The following FCN1 variants were observed in gnomAD, a reference collection of about 807,000 sequenced individuals.
FCN1 encodes ficolin 1.
In FCN1, 42 loss-of-function variants were observed where a neutral mutation model predicts 35.6. The ratio of observed to expected loss-of-function variants is 1.18; its 90% CI spans 0.92 to 1.53. The LOEUF (loss-of-function observed/expected upper bound fraction) is 1.53, where lower values mean the gene tolerates loss of function less well. Among genes scored for constraint, FCN1 ranks in the 40% most tolerant of loss-of-function variants. FCN1 has a pLI of 0.00. For synonymous variants in FCN1, 179 were observed against 169.8 expected, an observed-to-expected ratio of 1.05 and a Z score of -0.42; for missense variants, 439 against 428.4, an observed-to-expected ratio of 1.02 and a Z score of -0.22.
chr9:134,913,522 AGCTGGCCCCAGG>A (rs1230659090), intron 5 of FCN1, 47 bp downstream of exon 5: 1 of 1,405,372 alleles, frequency 7.1e-7, no homozygotes, highest in Non-Finnish European at 9.9e-7. Context: ...GAACGTGTGC[AGCTGGCCCCAGG>A]GGTGGGGGCA....
intron 4 of FCN1, 127 bp downstream of exon 4, chr9:134,914,258 C>A: frequency 1.2e-6 from 1 of 864,370 alleles, no homozygotes; most frequent in Non-Finnish European, 2.0e-6. Context: ...GGACTCCTTC[C>A]ACCCCTCCCT....
intron 2 of FCN1, among the ~76,000 whole-genome samples, chr9:134,915,069 C>A (rs1439129522): frequency 6.6e-6 from 1 of 152,162 alleles, no homozygotes; most frequent in African/African-American, 2.4e-5. Flanking sequence ...GCCTTGGGAG[C>A]AACCTGGGTT....
rs113460741 is a variant in FCN1 at position 134,912,057 on chromosome 9, G to T, written c.598+429C>A. ...ACTCATCCCCTGCCCCAGAGGGTTG[G>T]GGGGAGGCCCTCTCACTCAGGTGAG... On this transcript the variant is annotated intron_variant, in intron 7 of 8. Transcript: ENST00000371806. 4.9e-3 allele frequency among the ~76,000 whole-genome samples: 749 copies of T among 152,340 alleles called. 4 individuals are homozygous for T. Among genetic ancestry groups the T allele is most frequent in the Middle Eastern group, 0.024 (7 of 294 alleles).
rs775014502 is a variant in FCN1, at chr9:134,909,653, C to T, written c.*145G>A. 62 of 1,591,190 alleles carry T rather than the reference C, an allele frequency of 3.9e-5. No individual in the cohort carries two copies. In the Admixed American group the frequency reaches 4.7e-4, roughly 12 times the overall value. On this transcript the variant is annotated 3_prime_UTR_variant, in exon 9 of 9. Transcript: ENST00000371806. ...CTCTGGTGAGGTTGTGGGCATGTGG[C>T]GGCTTGACTGAGCTGGGGGCAAAGG...
Position 134,904,405 on chromosome 9 carries a change from T to C in FCN1, c.*5393A>G, listed in dbSNP as rs563731251. On this transcript the variant is annotated 3_prime_UTR_variant, in exon 9 of 9. Coordinates refer to ENST00000371806, the MANE Select transcript of FCN1 (RefSeq NM_002003.5). ...TATAGAAGTCTACACCCAATCTAAA[T>C]ACTATTTAAAATGAGGCAAAATAAA... Among the ~76,000 whole-genome samples the C allele has an allele frequency of 6.6e-5, 10 of 152,294 alleles. No homozygotes were observed. The East Asian group carries it at 1.7e-3, about 26-fold the overall frequency.
rs1220675816 is a variant in FCN1 at position 134,909,201 on chromosome 9, C to T, written c.*597G>A. 1 of 1,289,336 alleles carries T rather than the reference C, an allele frequency of 7.8e-7. No homozygotes were observed. Among genetic ancestry groups the T allele is most frequent in the African/African-American group, 1.5e-5 (1 of 65,852 alleles). The allele number at this position is 1,289,336 out of a possible 1,614,324, so 79.9% of individuals were successfully genotyped here. A position where few individuals can be genotyped will look rare whatever the true frequency, so the allele number is the denominator to read the frequency against. Reference sequence around the variant, plus strand: ...AGTGAGTGCTAAGTGTTTATCTCTTCCCAGCAGCCAGCCAGCCCAAAGCAT... The same window carrying T: ...AGTGAGTGCTAAGTGTTTATCTCTTTCCAGCAGCCAGCCAGCCCAAAGCAT... On this transcript the variant is annotated 3_prime_UTR_variant, in exon 9 of 9. Transcript: ENST00000371806.
Position 134,911,154 on chromosome 9 carries a change from C to T in FCN1, c.712G>A (p.Ala238Thr). The change falls in exon 8 of 9, where the codon GCC (alanine) becomes ACC (threonine). Residue 238 changes from alanine (A) to threonine (T), a missense_variant. Physicochemically the swap from Ala to Thr is moderately conservative, Grantham distance 58 (BLOSUM62 0). Coordinates refer to ENST00000371806, the MANE Select transcript of FCN1 (RefSeq NM_002003.5). Reference sequence around the variant, plus strand: ...TCACCCGCACTGCCCCCGACAAAGGCTCCCAGTACCAGCTTGTACTTCTCT... The same window carrying T: ...TCACCCGCACTGCCCCCGACAAAGGTTCCCAGTACCAGCTTGTACTTCTCT... ...EAEKYKLVLG[A>T]FVGGSAGNSL... 1 of 1,614,216 alleles carries T rather than the reference C, an allele frequency of 6.2e-7. No homozygotes were observed. The highest frequency in any genetic ancestry group is 1.1e-5 in the South Asian group (1 of 91,082).
At position 134,905,966 on chromosome 9, in the gene FCN1, T is replaced by C. The variant is rs1411006163; in HGVS notation, c.*3832A>G. 1.7e-5 allele frequency: 2 copies of C among 118,924 alleles called. No homozygotes were observed. Among genetic ancestry groups the C allele is most frequent in the African/African-American group, 1.0e-4 (2 of 19,206 alleles). The allele number at this position is 118,924 out of a possible 1,614,324, so 7.4% of individuals were successfully genotyped here. A position where few individuals can be genotyped will look rare whatever the true frequency, so the allele number is the denominator to read the frequency against. On this transcript the variant is annotated 3_prime_UTR_variant, in exon 9 of 9. Transcript: ENST00000371806. ...CTCCCTCTCCCTCTCCCTCTCCCTC[T>C]TTCTCCTTCTTCTTCTTCTTCTTTT...
At chr9:134,912,817 A>G (rs986630985) in intron 6 of FCN1, among the ~76,000 whole-genome samples, 199 bp downstream of exon 6, 13 of 152,330 alleles carry the variant, frequency 8.5e-5, no homozygotes, top group Non-Finnish European at 1.3e-4. Context: ...ACAAGCCCCA[A>G]GCCACACAGC....
chr9:134,905,809 C>CTT lies in FCN1; in HGVS notation c.*3988_*3989insAA, dbSNP rs1830939168. 6.2e-5 allele frequency: 5 copies of CTT among 81,202 alleles called. No homozygotes were observed. Among genetic ancestry groups the CTT allele is most frequent in the East Asian group, 2.6e-4 (1 of 3,836 alleles). The allele number at this position is 81,202 out of a possible 1,614,324, so 5.0% of individuals were successfully genotyped here. A position where few individuals can be genotyped will look rare whatever the true frequency, so the allele number is the denominator to read the frequency against. ...GCTGCTGCTGCTTCTTCTTCTTCTT[C>CTT]CTCTTCTTCTTCTTCTTCCTCTTCC... On this transcript the variant is annotated 3_prime_UTR_variant, in exon 9 of 9. Transcript: ENST00000371806.
chr9:134,912,769 G>A (rs1831040834), intron 6 of FCN1, among the ~76,000 whole-genome samples, 154 bp from the exon 7 acceptor site: 1 of 152,266 alleles, frequency 6.6e-6, no homozygotes, highest in South Asian at 2.1e-4. Flanking sequence ...AGACTCCACA[G>A]GATGAAAGAG....
intron 8 of FCN1, 50 bp downstream of exon 8, chr9:134,911,083 C>G: frequency 6.2e-7 from 1 of 1,604,954 alleles, no homozygotes. Flanking sequence ...GCCAGGTTCT[C>G]TCTGCTTTCC....
chr9:134,914,731 T>G (rs759917259), intron 3 of FCN1, 25 bp downstream of exon 3: 14 of 1,593,820 alleles, frequency 8.8e-6, no homozygotes, highest in Non-Finnish European at 1.2e-5. Context: ...GCTCAAGGCC[T>G]CCTCGCTGTC....
Position 134,903,530 on chromosome 9 carries a change from AGTC to A in FCN1, c.*6265_*6267del. Among the ~76,000 whole-genome samples the A allele has an allele frequency of 6.6e-6, 1 of 152,202 alleles. No homozygotes were observed. Among genetic ancestry groups the A allele is most frequent in the Non-Finnish European group, 1.5e-5 (1 of 68,016 alleles). On this transcript the variant is annotated 3_prime_UTR_variant, in exon 9 of 9. Transcript: ENST00000371806. ...TAAATAAACCATGGGCCAAAGGAAA[AGTC>A]ACAGAGGAAACTCTTAGAACTGAAC...
rs922926347 is a variant in FCN1 at position 134,905,764 on chromosome 9, G to A, written c.*4034C>T. On this transcript the variant is annotated 3_prime_UTR_variant, in exon 9 of 9. Coordinates refer to ENST00000371806, the MANE Select transcript of FCN1 (RefSeq NM_002003.5). ...CTCCCAAAGTGCTGGGATTACAAGC[G>A]TGAGCCACCGCGCCTGGCCGCTGCT... 5.3e-5 allele frequency: 11 copies of A among 206,264 alleles called. No individual in the cohort carries two copies. Among genetic ancestry groups the A allele is most frequent in the Admixed American group, 4.1e-4 (7 of 16,938 alleles). 12.8% of individuals were successfully genotyped at this position (206,264 alleles called of 1,614,324 possible).
In FCN1 at chr9:134,909,553, T is replaced by C; in HGVS notation, c.*245A>G. On this transcript the variant is annotated 3_prime_UTR_variant, in exon 9 of 9. Transcript: ENST00000371806. ...ACAGGAAAGTGATCAAAACCACTGG[T>C]GTTCAAGAAACACACATTGAAACTG... 7.0e-7 allele frequency: 1 copy of C among 1,425,902 alleles called. No individual in the cohort carries two copies. Among genetic ancestry groups the C allele is most frequent in the South Asian group, 1.2e-5 (1 of 82,314 alleles). 88.3% of individuals were successfully genotyped at this position (1,425,902 alleles called of 1,614,324 possible).
chr9:134,913,072 C>T lies in FCN1; in HGVS notation c.412G>A (p.Asp138Asn), dbSNP rs755837291. The change falls in exon 6 of 9, where the codon GAC (aspartate) becomes AAC (asparagine). Residue 138 changes from aspartate to asparagine, a missense_variant. Transcript: ENST00000371806. ...LSGWHTIYLP[D>N]CRPLTVLCDM... Reference sequence around the variant, plus strand: ...CAGAGCACAGTCAGGGGCCGGCAGTCGGGCAGGTAGATGGTGTGCCAGCCG... The same window carrying T: ...CAGAGCACAGTCAGGGGCCGGCAGTTGGGCAGGTAGATGGTGTGCCAGCCG... 1.7e-5 allele frequency: 28 copies of T among 1,613,290 alleles called. No homozygotes were observed. The highest frequency in any genetic ancestry group is 1.3e-4 in the South Asian group (12 of 90,938).
chr9:134,912,057 G>C (rs113460741), intron 7 of FCN1, among the ~76,000 whole-genome samples: 13 of 152,342 alleles, frequency 8.5e-5, no homozygotes, highest in Admixed American at 2.0e-4. Context: ...CAGAGGGTTG[G>C]GGGGAGGCCC....
rs561287379 is a variant in FCN1, at chr9:134,906,335, T to C, written c.*3463A>G. On this transcript the variant is annotated 3_prime_UTR_variant, in exon 9 of 9. Transcript: ENST00000371806. ...TATTTTAAGTTTGGCTTACAGTTCT[T>C]GTTTTTCTATTTATAAGACCTGCAA... The C allele has an allele frequency of 1.4e-4, 22 of 152,356 alleles. No individual in the cohort carries two copies. Among genetic ancestry groups the C allele is most frequent in the African/African-American group, 5.3e-4 (22 of 41,580 alleles). 9.4% of individuals were successfully genotyped at this position (152,356 alleles called of 1,614,324 possible). A position where few individuals can be genotyped will look rare whatever the true frequency, so the allele number is the denominator to read the frequency against.
Sources: allele counts gnomAD v4.1 joint callset (sites outside exome capture counted in the v4.1 genomes callset), GRCh38; gene constraint gnomAD v4.1.1; transcripts MANE v1.5; gene names NCBI Gene and HGNC (gene_info 2026-07-23, HGNC 2026-07-21).